Variants in GALNTL6 observed in about 807,000 individuals in gnomAD.
The protein encoded by GALNTL6 is polypeptide N-acetylgalactosaminyltransferase-like 6.
A neutral mutation model predicts 73.7 loss-of-function variants in GALNTL6; 46 were observed. That is an observed-to-expected ratio of 0.62 (90% CI 0.49 to 0.80). The LOEUF is 0.80. GALNTL6 is among the 30% of genes least tolerant of loss of function. The pLI is 0.00. For synonymous variants in GALNTL6, 259 were observed against 263.7 expected (o/e 0.98, Z 0.17); for missense variants, 604 against 755.0 (o/e 0.80, Z 2.34).
chr4:172,048,038 C>G (rs1049606304), intron 2 of GALNTL6, among the ~76,000 whole-genome samples: 3 of 152,048 alleles, frequency 2.0e-5, no homozygotes, highest in African/African-American at 7.2e-5. Flanking sequence ...TGTGTAAACT[C>G]CACAAAGACA....
intron 5 of GALNTL6, among the ~76,000 whole-genome samples, chr4:172,479,600 G>A (rs1000020200): frequency 1.3e-5 from 2 of 152,198 alleles, no homozygotes. Flanking sequence ...CACCTGTTAG[G>A]TATAATGCAC....
intron 9 of GALNTL6, among the ~76,000 whole-genome samples, chr4:172,936,583 T>A (rs1352589617): frequency 6.6e-6 from 1 of 152,210 alleles, no homozygotes; most frequent in Non-Finnish European, 1.5e-5. Flanking sequence ...AGTCTCAGGA[T>A]ACAAAATCTA....
chr4:172,394,464 T>C (rs1469594941), intron 5 of GALNTL6, among the ~76,000 whole-genome samples: 3 of 146,758 alleles, frequency 2.0e-5, no homozygotes, highest in Non-Finnish European at 3.0e-5. Context: ...GGAGTTTTGC[T>C]CTTGTCACCC....
At chr4:172,393,030 C>T (rs540767257) in intron 5 of GALNTL6, among the ~76,000 whole-genome samples, 1 of 152,192 alleles carries the variant, frequency 6.6e-6, no homozygotes, top group South Asian at 2.1e-4. Flanking sequence ...CTGTGCATGC[C>T]GGCGATCTAG....
intron 2 of GALNTL6, among the ~76,000 whole-genome samples, chr4:172,027,199 G>A (rs1260523737): frequency 6.6e-5 from 10 of 152,026 alleles, no homozygotes; most frequent in African/African-American, 2.2e-4. Context: ...CCTGGCCTGC[G>A]CTTTACTTTC....
At chr4:171,966,838 T>C (rs1739396003) in intron 2 of GALNTL6, among the ~76,000 whole-genome samples, 1 of 152,216 alleles carries the variant, frequency 6.6e-6, no homozygotes. Flanking sequence ...CCTCTGATCT[T>C]TGTGTATCAA....
At chr4:172,594,013 T>G (rs760465582) in intron 5 of GALNTL6, among the ~76,000 whole-genome samples, 7 of 152,180 alleles carry the variant, frequency 4.6e-5, no homozygotes, top group Non-Finnish European at 8.8e-5. Context: ...GAACATCTGA[T>G]TTTCCTCCAT....
chr4:172,077,521 G>A (rs956362807), intron 2 of GALNTL6, among the ~76,000 whole-genome samples: 1 of 152,106 alleles, frequency 6.6e-6, no homozygotes, highest in Non-Finnish European at 1.5e-5. Flanking sequence ...TGAGAGAGAT[G>A]ATTTAGGGTA....
chr4:172,321,934 T>A (rs1036749003), intron 4 of GALNTL6, among the ~76,000 whole-genome samples: 1 of 152,124 alleles, frequency 6.6e-6, no homozygotes, highest in East Asian at 1.9e-4. Flanking sequence ...AGCAGCTTCC[T>A]GATAAGATCT....
At chr4:172,090,926 T>C (rs1254795890) in intron 2 of GALNTL6, among the ~76,000 whole-genome samples, 1 of 152,132 alleles carries the variant, frequency 6.6e-6, no homozygotes, top group East Asian at 1.9e-4. Context: ...TAGCCAGTTT[T>C]CCCCAACACC....
At chr4:172,986,069 C>T (rs137862584) in intron 10 of GALNTL6, among the ~76,000 whole-genome samples, 17 of 152,078 alleles carry the variant, frequency 1.1e-4, no homozygotes, top group Non-Finnish European at 1.8e-4. Context: ...TTCAGGCTAC[C>T]CCCAGCAATG....
At chr4:172,135,531 T>C (rs1036483486) in intron 2 of GALNTL6, among the ~76,000 whole-genome samples, 7 of 152,106 alleles carry the variant, frequency 4.6e-5, no homozygotes, top group African/African-American at 1.7e-4. Flanking sequence ...CAATTGAGAA[T>C]TGAGAAGCAA....
At chr4:172,679,560 A>C (rs1732513084) in intron 5 of GALNTL6, among the ~76,000 whole-genome samples, 1 of 152,028 alleles carries the variant, frequency 6.6e-6, no homozygotes, top group Non-Finnish European at 1.5e-5. Flanking sequence ...ACAGTGTTAT[A>C]TTTTTCTCTA....
At chr4:172,301,836 G>A (rs1273812336) in intron 3 of GALNTL6, among the ~76,000 whole-genome samples, 2 of 152,194 alleles carry the variant, frequency 1.3e-5, no homozygotes, top group Non-Finnish European at 2.9e-5. Flanking sequence ...TGAGGAGGCA[G>A]TCTGTCCGTT....
chr4:172,550,739 G>C (rs1039361891), intron 5 of GALNTL6, among the ~76,000 whole-genome samples: 1 of 152,006 alleles, frequency 6.6e-6, no homozygotes, highest in Non-Finnish European at 1.5e-5. Flanking sequence ...GCAGCACTAC[G>C]GGTGTGCATC....
At chr4:172,404,872 G>A (rs1450349627) in intron 5 of GALNTL6, among the ~76,000 whole-genome samples, 1 of 152,018 alleles carries the variant, frequency 6.6e-6, no homozygotes, top group Non-Finnish European at 1.5e-5. Context: ...ATTACAAACA[G>A]CAGTGTTCTT....
At chr4:172,991,394 T>TTTTTTTTTG (rs1034699056) in intron 10 of GALNTL6, among the ~76,000 whole-genome samples, 1 of 145,992 alleles carries the variant, frequency 6.8e-6, no homozygotes, top group East Asian at 1.9e-4. Context: ...CCAGTTTTTG[T>TTTTTTTTTG]TTTTTTTTGT....
At chr4:172,317,561 A>C (rs62329874) in intron 4 of GALNTL6, among the ~76,000 whole-genome samples, 1 of 152,192 alleles carries the variant, frequency 6.6e-6, no homozygotes, top group East Asian at 1.9e-4. Context: ...TTGTAAATAC[A>C]TAATTAGATT....
chr4:172,363,137 C>T (rs971188860), intron 5 of GALNTL6, among the ~76,000 whole-genome samples: 4 of 152,114 alleles, frequency 2.6e-5, no homozygotes, highest in African/African-American at 9.7e-5. Flanking sequence ...GTCCATATGG[C>T]AGGTTTTGTC....
Sources: allele counts gnomAD v4.1 joint callset (sites outside exome capture counted in the v4.1 genomes callset), GRCh38; gene constraint gnomAD v4.1.1; transcripts MANE v1.5; gene names NCBI Gene and HGNC (gene_info 2026-07-23, HGNC 2026-07-21).